The following YBX3 variants were observed in gnomAD, a reference collection of about 807,000 sequenced individuals.
The protein encoded by YBX3 is Y-box binding protein 3.
In YBX3, 29 loss-of-function variants were observed where a neutral mutation model predicts 42.4. That is an observed-to-expected ratio of 0.68 (90% CI 0.51 to 0.93). The LOEUF (loss-of-function observed/expected upper bound fraction) is 0.93. Among genes scored for constraint, YBX3 ranks in the 40% least tolerant of loss-of-function variants. YBX3 has a pLI of 0.00. For synonymous variants in YBX3, 195 were observed against 189.8 expected (o/e 1.03, Z -0.22); for missense variants, 517 against 527.5 (o/e 0.98, Z 0.19).
chr12:10,716,754 C>A (rs912856268), intron 3 of YBX3, among the ~76,000 whole-genome samples: 4 of 152,144 alleles, frequency 2.6e-5, no homozygotes, highest in African/African-American at 7.2e-5. Context: ...AGAGCAGAGA[C>A]CTCACCCATA....
chr12:10,714,939 C>T (rs1231140668), intron 4 of YBX3, among the ~76,000 whole-genome samples: 17 of 151,442 alleles, frequency 1.1e-4, no homozygotes, highest in Admixed American at 6.6e-5. Context: ...TTAGTAGAGA[C>T]GGGTTTCACC....
Position 10,713,346 on chromosome 12 carries a change from T to A in YBX3, c.451-13A>T. 6.2e-7 allele frequency: 1 copy of A among 1,609,258 alleles called. No homozygotes were observed. The highest frequency in any genetic ancestry group is 8.5e-7 in the Non-Finnish European group (1 of 1,179,042). On this transcript the variant is annotated splice_polypyrimidine_tract_variant and intron_variant, in intron 4 of 9. Coordinates refer to ENST00000228251, the MANE Select transcript of YBX3 (RefSeq NM_003651.5). The stretch of plus-strand genomic sequence containing the variant: ...CAGCTTCTGCACCCTGAGAAGAAAA[T>A]AAAAAGATGGCCTCAAAATTAAAAA...
chr12:10,708,331 A>G (rs1385171602), intron 6 of YBX3, among the ~76,000 whole-genome samples: 1 of 149,968 alleles, frequency 6.7e-6, no homozygotes, highest in Non-Finnish European at 1.5e-5. Flanking sequence ...TTTTTTTTCT[A>G]TTATGCCCAA....
intron 6 of YBX3, among the ~76,000 whole-genome samples, chr12:10,704,916 C>T (rs974816251): frequency 6.6e-6 from 1 of 152,184 alleles, no homozygotes; most frequent in South Asian, 2.1e-4. Context: ...AGTGAAATAG[C>T]ACCCATCCTT....
intron 4 of YBX3, among the ~76,000 whole-genome samples, chr12:10,715,080 T>A (rs1377101597): frequency 1.3e-5 from 2 of 152,112 alleles, no homozygotes; most frequent in African/African-American, 4.8e-5. Flanking sequence ...TGTTAATACA[T>A]AAGATAGTTA....
chr12:10,715,818 A>G (rs748423769), intron 3 of YBX3, 35 bp from the exon 4 acceptor site: 10 of 1,558,042 alleles, frequency 6.4e-6, no homozygotes, highest in African/African-American at 2.7e-5. Flanking sequence ...TTCGATGTAT[A>G]TTTCAATATT....
chr12:10,701,351 G>A lies in YBX3; in HGVS notation c.1056C>T (p.Ala352=), dbSNP rs746982572. The change falls in exon 9 of 10, where the codon GCC becomes GCT. Residue 352 remains alanine, a splice_region_variant and synonymous_variant. Coordinates refer to ENST00000228251, the MANE Select transcript of YBX3 (RefSeq NM_003651.5). ...TCTCAGTTGGTGCTTCACCTGCCTT[G>A]GCCTAAAATGCAAAACAAAGCCATA... ...PNAPSQDGKE[A]KAGEAPTENP... 4 of 780,906 alleles carry A rather than the reference G, an allele frequency of 5.1e-6. No individual in the cohort carries two copies. The Admixed American group carries it at 6.8e-5, about 13-fold the overall frequency. 48.4% of individuals were successfully genotyped at this position (780,906 alleles called of 1,614,324 possible).
In YBX3 at chr12:10,723,233, A is replaced by G. The variant is rs1201762292; in HGVS notation, c.-122T>C. 5.1e-6 allele frequency: 6 copies of G among 1,165,586 alleles called. No individual in the cohort carries two copies. Among genetic ancestry groups the G allele is most frequent in the African/African-American group, 1.6e-5 (1 of 61,494 alleles). 72.2% of individuals were successfully genotyped at this position (1,165,586 alleles called of 1,614,324 possible). A position where few individuals can be genotyped will look rare whatever the true frequency, so the allele number is the denominator to read the frequency against. On this transcript the variant is annotated 5_prime_UTR_variant, in exon 1 of 10. Transcript: ENST00000228251. ...GAGGCCGGGGCGGATCTCGCGGCGC[A>G]GGCGGCGGCGGCCGAGGTGGGGTCG...
chr12:10,712,460 G>C (rs1348170145), intron 5 of YBX3: 1 of 152,168 alleles, frequency 6.6e-6, no homozygotes, highest in South Asian at 2.1e-4. Flanking sequence ...AAAATCCACA[G>C]AATCACTTAT....
chr12:10,714,775 T>TA (rs200402412), intron 4 of YBX3, among the ~76,000 whole-genome samples: 3 of 150,542 alleles, frequency 2.0e-5, no homozygotes, highest in Non-Finnish European at 4.4e-5. Flanking sequence ...TTTTTTTTTT[T>TA]AAAAAACGGA....
chr12:10,708,747 C>G (rs537009565), intron 6 of YBX3, among the ~76,000 whole-genome samples: 1 of 152,278 alleles, frequency 6.6e-6, no homozygotes, highest in Admixed American at 6.5e-5. Flanking sequence ...CACTAAGGAA[C>G]GACTTTGCTC....
intron 5 of YBX3, chr12:10,712,905 C>T (rs76675543): frequency 0.039 from 9,669 of 249,026 alleles, 291 homozygotes; most frequent in Non-Finnish European, 0.058. Flanking sequence ...AAGTTCTGAG[C>T]GCTAAAATTT....
chr12:10,709,893 C>CA lies in YBX3; in HGVS notation c.780+14dup. On this transcript the variant is annotated intron_variant, in intron 6 of 9. Coordinates refer to ENST00000228251, the MANE Select transcript of YBX3 (RefSeq NM_003651.5). ...GGTGAGGATTGCTGAAGAGAAGTCT[C>CA]AGTTGCAATTTTACCTGTATTCTGT... 6.2e-7 allele frequency: 1 copy of CA among 1,613,540 alleles called. No homozygotes were observed. Among genetic ancestry groups the CA allele is most frequent in the African/African-American group, 1.3e-5 (1 of 75,052 alleles).
chr12:10,708,832 A>G (rs1320944245), intron 6 of YBX3, among the ~76,000 whole-genome samples: 1 of 152,258 alleles, frequency 6.6e-6, no homozygotes, highest in Non-Finnish European at 1.5e-5. Context: ...CTTTCAGCAA[A>G]CGTGATATAT....
chr12:10,710,417 G>T, intron 5 of YBX3: 1 of 1,291,200 alleles, frequency 7.7e-7, no homozygotes, highest in South Asian at 1.6e-5. Context: ...CACCCGAAGA[G>T]TATCTGCAAG....
intron 3 of YBX3, among the ~76,000 whole-genome samples, chr12:10,717,180 TCTCCAACTCCTACGGTCA>T (rs1399281357): frequency 3.9e-5 from 6 of 152,062 alleles, no homozygotes; most frequent in Admixed American, 3.3e-4. Flanking sequence ...GATACCACTA[TCTCCAACTCCTACGGTCA>T]CTCCAATACA....
At chr12:10,710,646 C>T (rs765974490) in intron 5 of YBX3, 76 of 1,152,082 alleles carry the variant, frequency 6.6e-5, no homozygotes, top group South Asian at 3.9e-4. Context: ...TACTAAGATG[C>T]TATTTGCCTT....
chr12:10,706,136 G>GTA (rs1418825210), intron 6 of YBX3, among the ~76,000 whole-genome samples: 12 of 152,170 alleles, frequency 7.9e-5, no homozygotes, highest in South Asian at 2.1e-4. Context: ...ATGTATGTGT[G>GTA]TATATATATA....
intron 5 of YBX3, chr12:10,712,897 G>T: frequency 4.2e-6 from 1 of 240,906 alleles, no homozygotes; most frequent in Non-Finnish European, 8.0e-6. Flanking sequence ...CTCTGGAAAA[G>T]TTCTGAGCGC....
Sources: allele counts gnomAD v4.1 joint callset (sites outside exome capture counted in the v4.1 genomes callset), GRCh38; gene constraint gnomAD v4.1.1; transcripts MANE v1.5; gene names NCBI Gene and HGNC (gene_info 2026-07-23, HGNC 2026-07-21).